ZNF155: variants seen among roughly 807,000 people sequenced by gnomAD.
ZNF155 encodes the protein zinc finger protein 155.
A neutral mutation model predicts 11.9 loss-of-function variants in ZNF155; 15 were observed. The ratio of observed to expected loss-of-function variants is 1.26; its 90% confidence interval spans 0.84 to 1.94. The LOEUF is 1.94. Among genes scored for constraint, ZNF155 ranks in the 30% most tolerant of loss-of-function variants. The probability of loss-of-function intolerance (pLI) is 0.00; values close to 1 mark genes in which losing one functional copy is unlikely to be tolerated. For missense variants in ZNF155, 602 were observed against 639.1 expected (o/e 0.94, Z 0.63); for synonymous variants, 212 against 219.9 (o/e 0.96, Z 0.32).
Position 43,997,782 on chromosome 19 carries a change from A to C in ZNF155, c.*308A>C. On this transcript the variant is annotated 3_prime_UTR_variant, in exon 5 of 5. Transcript: ENST00000270014. ...TGCCTGGAGACATGCCCATGGCTGC[A>C]CAGATAGAAGAACCTCCAGCCCATT... 1 of 229,276 alleles carries C rather than the reference A, an allele frequency of 4.4e-6. No individual in the cohort carries two copies. The highest frequency in any genetic ancestry group is 1.0e-4 in the South Asian group (1 of 9,784). 14.2% of individuals were successfully genotyped at this position (229,276 alleles called of 1,614,324 possible). A position where few individuals can be genotyped will look rare whatever the true frequency, so the allele number is the denominator to read the frequency against.
chr19:43,989,916 G>A (rs1348845986), intron 2 of ZNF155: 2 of 617,436 alleles, frequency 3.2e-6, no homozygotes, highest in African/African-American at 3.9e-5. Flanking sequence ...GACACTAAAA[G>A]GCCAATGTAA....
intron 4 of ZNF155, among the ~76,000 whole-genome samples, chr19:43,993,965 T>A (rs1383755749): frequency 6.6e-6 from 1 of 152,210 alleles, no homozygotes; most frequent in Non-Finnish European, 1.5e-5. Flanking sequence ...CCTGTAGATG[T>A]GTATGAGTGA....
intron 2 of ZNF155, 110 bp downstream of exon 2, chr19:43,988,668 C>A: frequency 8.4e-7 from 1 of 1,197,126 alleles, no homozygotes; most frequent in Non-Finnish European, 1.1e-6. Flanking sequence ...CATTTGGGGA[C>A]CTGTTTGTGC....
At position 43,996,223 on chromosome 19, in the gene ZNF155, T is replaced by C. The variant is rs746163963; in HGVS notation, c.366T>C (p.Ser122=). Residue 122 remains serine (S), a synonymous_variant, in exon 5 of 5, where the codon TCT becomes TCC. Transcript: ENST00000270014. ...CTCAGGACTCTATCATAAATAACTC[T>C]CAGTTCTTTGAAAATGGTGATGTCC... ...TRSQDSIINN[S]QFFENGDVPS... 5 of 1,614,160 alleles carry C rather than the reference T, an allele frequency of 3.1e-6. No individual in the cohort carries two copies. The highest frequency in any genetic ancestry group is 4.2e-6 in the Non-Finnish European group (5 of 1,180,002).
At position 43,996,446 on chromosome 19, in the gene ZNF155, G is replaced by A. The variant is rs763866475; in HGVS notation, c.589G>A (p.Val197Ile). ...YISALHVHQR[V>I]HVGEKLFMCD... The stretch of plus-strand genomic sequence containing the variant: ...CTCAGCTCTTCATGTTCATCAGAGA[G>A]TCCACGTGGGAGAGAAACTCTTTAT... Residue 197 changes from valine (V) to isoleucine (I), a missense_variant, in exon 5 of 5, where the codon GTC (valine) becomes ATC (isoleucine). Coordinates refer to ENST00000270014, the MANE Select transcript of ZNF155 (RefSeq NM_198089.3). The A allele has an allele frequency of 8.1e-6, 13 of 1,614,116 alleles. No individual in the cohort carries two copies. The South Asian group carries it at 1.2e-4, about 15-fold the overall frequency.
intron 4 of ZNF155, among the ~76,000 whole-genome samples, chr19:43,995,272 T>C (rs1454712462): frequency 6.6e-6 from 1 of 151,868 alleles, no homozygotes; most frequent in Non-Finnish European, 1.5e-5. Flanking sequence ...CCACCACACG[T>C]GGCTAATTTT....
In ZNF155 at chr19:43,998,288, CTTTT is replaced by C. The variant is rs1453863295; in HGVS notation, c.*817_*820del. ...GGATCCCCATCTCCACTGTGGAGAG[CTTTT>C]TTCTTTCACTTATTAAACTTTTACT... is the stretch of plus-strand genomic sequence containing the variant. On this transcript the variant is annotated 3_prime_UTR_variant, in exon 5 of 5. Transcript: ENST00000270014. 6.6e-6 allele frequency: 1 copy of C among 152,144 alleles called. No individual in the cohort carries two copies. Among genetic ancestry groups the C allele is most frequent in the Non-Finnish European group, 1.5e-5 (1 of 68,032 alleles). 9.4% of individuals were successfully genotyped at this position (152,144 alleles called of 1,614,324 possible).
chr19:43,997,116 G>T lies in ZNF155; in HGVS notation c.1259G>T (p.Arg420Ile). 1.2e-6 allele frequency: 2 copies of T among 1,614,192 alleles called. No homozygotes were observed. The highest frequency in any genetic ancestry group is 1.7e-6 in the Non-Finnish European group (2 of 1,180,038). ...AATTCACAACTGTCTTCCCATCAGA[G>T]ATCCCACAGTGGTGAAAAGCCATAT... ...YTNSQLSSHQ[R>I]SHSGEKPYKC... Residue 420 changes from arginine (R) to isoleucine (I), a missense_variant, in exon 5 of 5, where the codon AGA becomes ATA. Coordinates refer to ENST00000270014, the MANE Select transcript of ZNF155 (RefSeq NM_198089.3).
In ZNF155 at chr19:43,996,550, A is replaced by G; in HGVS notation, c.693A>G (p.Pro231=). ...THQRVHTGEK[P]FKCEQCGKGF... ...AGAGAGTCCACACTGGAGAGAAACC[A>G]TTCAAATGTGAGCAATGTGGGAAAG... is the stretch of plus-strand genomic sequence containing the variant. Residue 231 remains proline, a synonymous_variant, in exon 5 of 5, where the codon CCA becomes CCG. Transcript: ENST00000270014. The G allele has an allele frequency of 2.5e-6, 4 of 1,614,124 alleles. No individual in the cohort carries two copies. Among genetic ancestry groups the G allele is most frequent in the African/African-American group, 1.3e-5 (1 of 75,028 alleles).
Position 43,996,418 on chromosome 19 carries a change from C to A in ZNF155, c.561C>A (p.Tyr187Ter), listed in dbSNP as rs767373038. Residue 187 changes from tyrosine (Y) to a stop codon, truncating the protein, a stop_gained, in exon 5 of 5, where the codon TAC becomes TAA. Transcript: ENST00000270014. LOFTEE classifies it low-confidence loss of function (END_TRUNC). ...TCDECGKSICYISALHVHQRV... is the reference protein window; with the variant it reads ...TCDECGKSIC ...ATGAGTGTGGAAAAAGCATCTGTTACATCTCAGCTCTTCATGTTCATCAGA... is the reference window on the plus strand; with the variant it reads ...ATGAGTGTGGAAAAAGCATCTGTTAAATCTCAGCTCTTCATGTTCATCAGA... 1.2e-6 allele frequency: 2 copies of A among 1,614,076 alleles called. No homozygotes were observed. The highest frequency in any genetic ancestry group is 1.7e-6 in the Non-Finnish European group (2 of 1,180,042).
chr19:43,987,509 A>T (rs1337470084), intron 1 of ZNF155, among the ~76,000 whole-genome samples: 2 of 152,202 alleles, frequency 1.3e-5, no homozygotes, highest in African/African-American at 4.8e-5. Context: ...GTTGGTGCGG[A>T]TACTGCCAAA....
chr19:43,985,221 C>T (rs1178187539), intron 1 of ZNF155, among the ~76,000 whole-genome samples: 1 of 151,830 alleles, frequency 6.6e-6, no homozygotes, highest in Non-Finnish European at 1.5e-5. Flanking sequence ...TCACCATGCC[C>T]GGCTAATTTT....
Position 43,996,670 on chromosome 19 carries a change from T to C in ZNF155, c.813T>C (p.His271=), listed in dbSNP as rs141333339. The change falls in exon 5 of 5, where the codon CAT becomes CAC. Residue 271 remains histidine, a synonymous_variant. Transcript: ENST00000270014. ...AGGCATGTGGGAAGGCCTTCATTCA[T>C]GATTCCCAGCTTAAGGAACATAAGA... ...ICEACGKAFI[H]DSQLKEHKRI... is the part of the protein sequence containing the mutation. The C allele has an allele frequency of 7.4e-6, 12 of 1,613,832 alleles. No individual in the cohort carries two copies. Among genetic ancestry groups the C allele is most frequent in the Middle Eastern group, 3.3e-4 (2 of 6,080 alleles).
rs190321590 is a variant in ZNF155, at chr19:43,996,996, G to C, written c.1139G>C (p.Ser380Thr). 90 of 1,614,114 alleles carry C rather than the reference G, an allele frequency of 5.6e-5. 1 individual carries two copies. In the South Asian group the frequency reaches 7.5e-4, roughly 13 times the overall value. Reference protein sequence around the residue: ...KPYNCKECGKSFRWSSCLLNH... With the variant: ...KPYNCKECGKTFRWSSCLLNH... Reference sequence around the variant, plus strand: ...TATAATTGTAAAGAATGTGGGAAGAGCTTCAGATGGTCCTCATGCCTTTTG... The same window carrying C: ...TATAATTGTAAAGAATGTGGGAAGACCTTCAGATGGTCCTCATGCCTTTTG... The change falls in exon 5 of 5, where the codon AGC (serine) becomes ACC (threonine). Residue 380 changes from serine to threonine, a missense_variant. By Grantham distance (58) the Ser-to-Thr change is moderately conservative. Coordinates refer to ENST00000270014, the MANE Select transcript of ZNF155 (RefSeq NM_198089.3).
chr19:43,991,921 A>T lies in ZNF155; in HGVS notation c.222A>T (p.Arg74Ser). The change falls in exon 4 of 5, where the codon AGA (arginine) becomes AGT (serine). Residue 74 changes from arginine (R) to serine (S), a missense_variant. Coordinates refer to ENST00000270014, the MANE Select transcript of ZNF155 (RefSeq NM_198089.3). ...GGATGATGGGGACAGCAACCCAAAG[A>T]GAAGGGAATTCAGGTAAGAACTAAG... is the stretch of plus-strand genomic sequence containing the variant. ...KFWMMGTATQREGNSGGKIQT... is the reference protein window; with the variant it reads ...KFWMMGTATQSEGNSGGKIQT... The T allele has an allele frequency of 6.2e-7, 1 of 1,613,562 alleles. No individual in the cohort carries two copies. The highest frequency in any genetic ancestry group is 1.1e-5 in the South Asian group (1 of 91,030).
At chr19:43,992,680 C>T (rs1975707793) in intron 4 of ZNF155, among the ~76,000 whole-genome samples, 2 of 152,340 alleles carry the variant, frequency 1.3e-5, no homozygotes, top group Admixed American at 6.5e-5. Flanking sequence ...ATTGGTCACT[C>T]CTGCATAAAC....
rs1975538990 is a variant in ZNF155, at chr19:43,988,478, A to G, written c.-66A>G. 4.5e-6 allele frequency: 7 copies of G among 1,541,490 alleles called. No individual in the cohort carries two copies. The highest frequency in any genetic ancestry group is 1.2e-5 in the South Asian group (1 of 81,418). The stretch of plus-strand genomic sequence containing the variant: ...CTGCAGACTGTGGCACGTTTCAGGC[A>G]GGATTCCTCCTTCATTCAAACTGCA... On this transcript the variant is annotated 5_prime_UTR_variant, in exon 2 of 5. Coordinates refer to ENST00000270014, the MANE Select transcript of ZNF155 (RefSeq NM_198089.3).
chr19:43,987,428 G>A (rs1975501101), intron 1 of ZNF155, among the ~76,000 whole-genome samples: 1 of 152,128 alleles, frequency 6.6e-6, no homozygotes, highest in Non-Finnish European at 1.5e-5. Flanking sequence ...GACGTTCATT[G>A]GGATTTATCT....
chr19:43,996,526 G>A lies in ZNF155; in HGVS notation c.669G>A (p.Gln223=). ...FSQSSHLQTH[Q]RVHTGEKPFK... ...AAAGCTCACATCTGCAAACTCATCA[G>A]AGAGTCCACACTGGAGAGAAACCAT... is the stretch of plus-strand genomic sequence containing the variant. The change falls in exon 5 of 5, where the codon CAG becomes CAA. Residue 223 remains glutamine (Q), a synonymous_variant. Coordinates refer to ENST00000270014, the MANE Select transcript of ZNF155 (RefSeq NM_198089.3). The A allele has an allele frequency of 1.2e-6, 2 of 1,614,134 alleles. No homozygotes were observed. Among genetic ancestry groups the A allele is most frequent in the Non-Finnish European group, 1.7e-6 (2 of 1,179,986 alleles).
Sources: allele counts gnomAD v4.1 joint callset (sites outside exome capture counted in the v4.1 genomes callset), GRCh38; gene constraint gnomAD v4.1.1; transcripts MANE v1.5; gene names NCBI Gene and HGNC (gene_info 2026-07-23, HGNC 2026-07-21).